Variants in HSPA4 observed in about 807,000 individuals in gnomAD.
The protein encoded by HSPA4 is heat shock protein family A (Hsp70) member 4, also known as heat shock 70 kDa protein 4.
In HSPA4, 25 loss-of-function variants were observed where a neutral mutation model predicts 106.2. The observed-to-expected ratio is 0.24, with a 90% CI of 0.17 to 0.33. The LOEUF is 0.33. Among genes scored for constraint, HSPA4 ranks in the 10% least tolerant of loss-of-function variants. The pLI, the probability that HSPA4 is intolerant of heterozygous loss-of-function variation, is 1.00. For synonymous variants in HSPA4, 332 were observed against 333.6 expected (o/e 1.00, Z 0.05); for missense variants, 841 against 996.0 (o/e 0.84, Z 2.10).
chr5:133,104,564 G>C lies in HSPA4; in HGVS notation c.*128G>C. On this transcript the variant is annotated 3_prime_UTR_variant, in exon 19 of 19. Transcript: ENST00000304858. Reference sequence around the variant, plus strand: ...TCAGTTTTTAGGGGATTTTCGGGGAGGGGAAATAGGTAATGTATGGAGCAT... The same window carrying C: ...TCAGTTTTTAGGGGATTTTCGGGGACGGGAAATAGGTAATGTATGGAGCAT... 1.3e-6 allele frequency: 1 copy of C among 748,736 alleles called. No individual in the cohort carries two copies. 46.4% of individuals were successfully genotyped at this position (748,736 alleles called of 1,614,324 possible). A position where few individuals can be genotyped will look rare whatever the true frequency, so the allele number is the denominator to read the frequency against.
At chr5:133,091,058 C>T (rs532285385) in intron 11 of HSPA4, 135 bp from the exon 12 acceptor site, 102 of 787,590 alleles carry the variant, frequency 1.3e-4, no homozygotes, top group Admixed American at 4.9e-4. Context: ...CTAAAAGGAC[C>T]GATTTTGCTT....
At chr5:133,080,659 G>C (rs1013696460) in intron 7 of HSPA4, among the ~76,000 whole-genome samples, 12 of 151,500 alleles carry the variant, frequency 7.9e-5, no homozygotes, top group Admixed American at 7.2e-4. Context: ...GATCTTCCTT[G>C]CCTATCTTAC....
rs1411309819 is a variant in HSPA4 at position 133,068,102 on chromosome 5, C to T, written c.306+545C>T. Among the ~76,000 whole-genome samples the T allele has an allele frequency of 1.6e-4, 24 of 151,912 alleles. 1 individual carries two copies. The highest frequency in any genetic ancestry group is 1.6e-3 in the Admixed American group (24 of 15,236). ...AGAGACGGGGTTTCACTGTGTTGGC[C>T]AGGTTGGTCTCGAACTCCTGACCTT... On this transcript the variant is annotated intron_variant, in intron 3 of 18. Transcript: ENST00000304858.
Position 133,088,614 on chromosome 5 carries a change from G to T in HSPA4, c.1137+59G>T, listed in dbSNP as rs564824832. On this transcript the variant is annotated intron_variant, in intron 9 of 18. Coordinates refer to ENST00000304858, the MANE Select transcript of HSPA4 (RefSeq NM_002154.4). ...TAAATCATTGTAACAAGATGGCAGTGGTTTATGTATCTAATAACCTGGGAT... is the reference window on the plus strand; with the variant it reads ...TAAATCATTGTAACAAGATGGCAGTTGTTTATGTATCTAATAACCTGGGAT... 9.9e-5 allele frequency: 142 copies of T among 1,431,468 alleles called. No homozygotes were observed. In the South Asian group the frequency reaches 1.2e-3, roughly 12 times the overall value. The allele number at this position is 1,431,468 out of a possible 1,614,324, so 88.7% of individuals were successfully genotyped here. A position where few individuals can be genotyped will look rare whatever the true frequency, so the allele number is the denominator to read the frequency against.
At chr5:133,092,402 A>G (rs1046108673) in intron 12 of HSPA4, among the ~76,000 whole-genome samples, 2 of 152,210 alleles carry the variant, frequency 1.3e-5, no homozygotes, top group Admixed American at 1.3e-4. Context: ...ATTGTATTAA[A>G]TGATGCCACA....
intron 1 of HSPA4, among the ~76,000 whole-genome samples, chr5:133,064,098 G>C (rs1765279117): frequency 6.6e-6 from 1 of 152,208 alleles, no homozygotes; most frequent in African/African-American, 2.4e-5. Context: ...CCTTCAAGCA[G>C]GTTTCAGTTT....
chr5:133,077,426 C>T (rs757653991), intron 7 of HSPA4, among the ~76,000 whole-genome samples: 5 of 152,120 alleles, frequency 3.3e-5, no homozygotes, highest in South Asian at 4.1e-4. Flanking sequence ...TTAGTAGGGA[C>T]GGTGTTTCGC....
chr5:133,092,802 TGG>T lies in HSPA4; in HGVS notation c.1650+14_1650+15del. The stretch of plus-strand genomic sequence containing the variant: ...TGAAGAAATGGAGGTATGCATTGGG[TGG>T]TGTTTTTTTTTTTTTTTTTTTTTTT... On this transcript the variant is annotated intron_variant, in intron 13 of 18. Transcript: ENST00000304858. 1 of 732,960 alleles carries T rather than the reference TGG, an allele frequency of 1.4e-6. No homozygotes were observed. Among genetic ancestry groups the T allele is most frequent in the Admixed American group, 3.5e-5 (1 of 28,496 alleles). 45.4% of individuals were successfully genotyped at this position (732,960 alleles called of 1,614,324 possible).
chr5:133,067,623 A>G (rs755306236), intron 3 of HSPA4, 66 bp downstream of exon 3: 22 of 1,323,378 alleles, frequency 1.7e-5, no homozygotes, highest in Middle Eastern at 1.9e-4. Context: ...TTCAATATCT[A>G]TCTGTACTTT....
At chr5:133,087,913 C>T (rs1229217190) in intron 8 of HSPA4, among the ~76,000 whole-genome samples, 1 of 152,212 alleles carries the variant, frequency 6.6e-6, no homozygotes, top group Non-Finnish European at 1.5e-5. Context: ...CATGAGCCAC[C>T]ATGCCTGGCC....
At chr5:133,086,752 G>A in intron 7 of HSPA4, 30 bp from the exon 8 acceptor site, 1 of 1,495,156 alleles carries the variant, frequency 6.7e-7, no homozygotes, top group East Asian at 2.3e-5. Context: ...TTAATGTACT[G>A]TGTTTTTTGT....
Position 133,088,476 on chromosome 5 carries a change from A to T in HSPA4, c.1058A>T (p.Lys353Met). ...GATRIPAVKE[K>M]ISKFFGKELS... ...ACACGAATCCCTGCGGTAAAAGAGA[A>T]GATCAGCAAATTTTTCGGTAAAGAA... The change falls in exon 9 of 19, where the codon AAG becomes ATG. Residue 353 changes from lysine (K) to methionine (M), a missense_variant. Coordinates refer to ENST00000304858, the MANE Select transcript of HSPA4 (RefSeq NM_002154.4). 6.2e-7 allele frequency: 1 copy of T among 1,613,566 alleles called. No homozygotes were observed. The highest frequency in any genetic ancestry group is 8.5e-7 in the Non-Finnish European group (1 of 1,179,436).
chr5:133,079,218 A>C (rs1765485603), intron 7 of HSPA4, among the ~76,000 whole-genome samples: 1 of 152,110 alleles, frequency 6.6e-6, no homozygotes, highest in African/African-American at 2.4e-5. Context: ...AGGGTTGTGC[A>C]ATGGCCACCT....
At chr5:133,089,475 C>A in intron 10 of HSPA4, 87 bp from the exon 11 acceptor site, 1 of 1,181,386 alleles carries the variant, frequency 8.5e-7, no homozygotes, top group Non-Finnish European at 1.2e-6. Context: ...GAAACTAACA[C>A]TGTACAATAA....
At position 133,104,331 on chromosome 5, in the gene HSPA4, G is replaced by A. The variant is rs765847547; in HGVS notation, c.2418G>A (p.Val806=). Reference sequence around the variant, plus strand: ...AAAATGCAGAGCAGAATGGACCAGTGGATGGACAAGGAGACAACCCAGGCC... The same window carrying A: ...AAAATGCAGAGCAGAATGGACCAGTAGATGGACAAGGAGACAACCCAGGCC... ...EQKNAEQNGP[V]DGQGDNPGPQ... Residue 806 remains valine, a synonymous_variant, in exon 19 of 19, where the codon GTG becomes GTA. Coordinates refer to ENST00000304858, the MANE Select transcript of HSPA4 (RefSeq NM_002154.4). 18 of 1,614,040 alleles carry A rather than the reference G, an allele frequency of 1.1e-5. No individual in the cohort carries two copies. The South Asian group carries it at 1.9e-4, about 17-fold the overall frequency.
At chr5:133,071,893 T>TC (rs1421489333) in intron 4 of HSPA4, among the ~76,000 whole-genome samples, 2 of 152,292 alleles carry the variant, frequency 1.3e-5, no homozygotes, top group East Asian at 3.9e-4. Flanking sequence ...TGACCTTGAT[T>TC]CCCCAGTGGC....
At chr5:133,096,849 A>G (rs1009874272) in intron 14 of HSPA4, among the ~76,000 whole-genome samples, 1 of 152,256 alleles carries the variant, frequency 6.6e-6, no homozygotes, top group Admixed American at 6.5e-5. Flanking sequence ...TCATATTAAT[A>G]CAGCAGAGGA....
chr5:133,091,242 A>C lies in HSPA4; in HGVS notation c.1428A>C (p.Ser476=), dbSNP rs528221895. ...CTCCTCAGTCTGATGGCTCCAGTTC[A>C]AAAGTGAAAGTCAAAGTTCGAGTAA... ...KVTPQSDGSS[S]KVKVKVRVNV... Residue 476 remains serine (S), a synonymous_variant, in exon 12 of 19, where the codon TCA becomes TCC. Coordinates refer to ENST00000304858, the MANE Select transcript of HSPA4 (RefSeq NM_002154.4). 41 of 1,614,120 alleles carry C rather than the reference A, an allele frequency of 2.5e-5. No homozygotes were observed. The highest frequency in any genetic ancestry group is 3.1e-5 in the Non-Finnish European group (37 of 1,179,966).
intron 5 of HSPA4, 113 bp downstream of exon 5, chr5:133,073,442 T>G (rs1158972506): frequency 1.5e-6 from 1 of 678,720 alleles, no homozygotes; most frequent in African/African-American, 1.8e-5. Context: ...CTGCTCTTGC[T>G]TACCACTGTG....
Sources: allele counts gnomAD v4.1 joint callset (sites outside exome capture counted in the v4.1 genomes callset), GRCh38; gene constraint gnomAD v4.1.1; transcripts MANE v1.5; gene names NCBI Gene and HGNC (gene_info 2026-07-23, HGNC 2026-07-21).